Variants in ADGRA1 observed in about 807,000 individuals in gnomAD.
The protein encoded by ADGRA1 is G-protein coupled receptor 123.
A neutral mutation model predicts 21.3 loss-of-function variants in ADGRA1; 12 were observed. That is an observed-to-expected ratio of 0.56 (90% CI 0.36 to 0.91). The LOEUF (loss-of-function observed/expected upper bound fraction) is 0.91. Among genes scored for constraint, ADGRA1 ranks in the 40% least tolerant of loss-of-function variants. The probability of loss-of-function intolerance (pLI) is 0.01; values close to 1 mark genes in which losing one functional copy is unlikely to be tolerated. For missense variants in ADGRA1, 790 were observed against 805.6 expected, an observed-to-expected ratio of 0.98 and a Z score of 0.23; for synonymous variants, 385 against 368.8, an observed-to-expected ratio of 1.04 and a Z score of -0.50.
At chr10:133,097,721 G>C (rs546919403) in intron 3 of ADGRA1, among the ~76,000 whole-genome samples, 1 of 152,186 alleles carries the variant, frequency 6.6e-6, no homozygotes, top group Non-Finnish European at 1.5e-5. Context: ...CGGGGGCCTC[G>C]ATGGTTTATC....
intron 5 of ADGRA1, 86 bp downstream of exon 5, chr10:133,102,928 C>G (rs545497938): frequency 7.1e-7 from 1 of 1,405,000 alleles, no homozygotes; most frequent in African/African-American, 1.4e-5. Context: ...ACCTTCTCAC[C>G]AGGCCACCAG....
At chr10:133,092,341 A>G (rs993129142) in intron 2 of ADGRA1, among the ~76,000 whole-genome samples, 20 of 152,226 alleles carry the variant, frequency 1.3e-4, no homozygotes, top group African/African-American at 4.3e-4. Context: ...CCCGAAAATT[A>G]AGAACTTTAA....
intron 4 of ADGRA1, 109 bp downstream of exon 4, chr10:133,098,872 G>T (rs895735551): frequency 7.0e-7 from 1 of 1,422,846 alleles, no homozygotes; most frequent in South Asian, 1.3e-5. Context: ...CCCGGGAAGA[G>T]GGTCGGACCC....
intron 6 of ADGRA1, 89 bp from the exon 7 acceptor site, chr10:133,128,240 G>T (rs1031613478): frequency 1.0e-6 from 1 of 980,210 alleles, no homozygotes; most frequent in East Asian, 2.9e-5. Flanking sequence ...TCGCTAGGCC[G>T]GGTGGGTGCA....
chr10:133,111,912 T>C lies in ADGRA1; in HGVS notation c.401+9070T>C, dbSNP rs61862111. Reference sequence around the variant, plus strand: ...CCACAGACACCTCCCTCCTAATGCCTCCAGACCACCTGCCCGCCGTGAGCA... The same window carrying C: ...CCACAGACACCTCCCTCCTAATGCCCCCAGACCACCTGCCCGCCGTGAGCA... On this transcript the variant is annotated intron_variant, in intron 5 of 6. Transcript: ENST00000392607. Among the ~76,000 whole-genome samples, 24 of 10,480 alleles carry C rather than the reference T, an allele frequency of 2.3e-3. 1 individual carries two copies. Among genetic ancestry groups the C allele is most frequent in the Admixed American group, 3.4e-3 (3 of 870 alleles). 6.9% of individuals were successfully genotyped at this position (10,480 alleles called of 152,430 possible). A position where few individuals can be genotyped will look rare whatever the true frequency, so the allele number is the denominator to read the frequency against.
rs146513793 is a variant in ADGRA1, at chr10:133,128,377, C to T, written c.549C>T (p.Ala183=). Residue 183 remains alanine, a synonymous_variant, in exon 7 of 7, where the codon GCC becomes GCT. Coordinates refer to ENST00000392607, the MANE Select transcript of ADGRA1 (RefSeq NM_001083909.3). The part of the protein sequence containing the change: ...EPSLGAFYGP[A]AIITLVTCVY... ...GCCTGGGCGCCTTCTACGGCCCAGC[C>T]GCCATCATCACCCTGGTCACCTGTG... 194 of 1,586,480 alleles carry T rather than the reference C, an allele frequency of 1.2e-4. 1 individual carries two copies. In the African/African-American group the frequency reaches 2.0e-3, roughly 16 times the overall value.
At chr10:133,124,917 C>T (rs930617389) in intron 5 of ADGRA1, among the ~76,000 whole-genome samples, 24 of 152,218 alleles carry the variant, frequency 1.6e-4, no homozygotes, top group Admixed American at 3.3e-4. Flanking sequence ...GCGGCGGCCT[C>T]CCGCGCCCTC....
intron 5 of ADGRA1, among the ~76,000 whole-genome samples, chr10:133,104,724 C>T (rs1015968945): frequency 1.3e-5 from 2 of 152,130 alleles, no homozygotes; most frequent in Non-Finnish European, 2.9e-5. Context: ...CCTCGTCGCT[C>T]CGCCTCCCCA....
chr10:133,091,709 C>T (rs961779209), intron 2 of ADGRA1, among the ~76,000 whole-genome samples: 2 of 152,226 alleles, frequency 1.3e-5, no homozygotes, highest in African/African-American at 2.4e-5. Context: ...AGTGCGAGGA[C>T]AAGCTTGGGC....
intron 4 of ADGRA1, among the ~76,000 whole-genome samples, chr10:133,101,377 T>C (rs1338236288): frequency 1.3e-5 from 2 of 152,168 alleles, no homozygotes; most frequent in Non-Finnish European, 2.9e-5. Context: ...AGTGACACAT[T>C]CAACAGAGAC....
At chr10:133,124,911 C>T (rs940594865) in intron 5 of ADGRA1, among the ~76,000 whole-genome samples, 12 of 152,336 alleles carry the variant, frequency 7.9e-5, no homozygotes, top group Non-Finnish European at 1.5e-4. Flanking sequence ...AGAAAAGCGG[C>T]GGCCTCCCGC....
intron 4 of ADGRA1, among the ~76,000 whole-genome samples, chr10:133,100,592 A>G (rs181971241): frequency 3.7e-4 from 56 of 152,306 alleles, no homozygotes; most frequent in Non-Finnish European, 6.3e-4. Flanking sequence ...GAGGGTTGCA[A>G]TCTTGGAGGA....
rs749355527 is a variant in ADGRA1 at position 133,098,665 on chromosome 10, C to T, written c.157C>T (p.Arg53Trp). ...CGCCATCCGCATCAGCCGCAAGGGC[C>T]GGCACACGCTCCTGAATTTCTGCTT... ...QSAIRISRKG[R>W]HTLLNFCFHA... Residue 53 changes from arginine to tryptophan, a missense_variant, in exon 4 of 7, where the codon CGG (arginine) becomes TGG (tryptophan). Coordinates refer to ENST00000392607, the MANE Select transcript of ADGRA1 (RefSeq NM_001083909.3). The T allele has an allele frequency of 2.7e-5, 43 of 1,610,660 alleles. No individual in the cohort carries two copies. Among genetic ancestry groups the T allele is most frequent in the Non-Finnish European group, 3.4e-5 (40 of 1,179,910 alleles).
chr10:133,127,865 A>AC (rs1852409632), intron 6 of ADGRA1, among the ~76,000 whole-genome samples: 1 of 104,652 alleles, frequency 9.6e-6, no homozygotes, highest in African/African-American at 3.9e-5. Context: ...CCGCCCACCC[A>AC]GCTCCACCTC....
chr10:133,122,594 G>T (rs1456984363), intron 5 of ADGRA1, among the ~76,000 whole-genome samples: 1 of 152,084 alleles, frequency 6.6e-6, no homozygotes, highest in African/African-American at 2.4e-5. Context: ...AATCATTTTT[G>T]AGTGTGCAGT....
chr10:133,118,894 ACT>A (rs1267735204), intron 5 of ADGRA1, among the ~76,000 whole-genome samples: 7 of 149,188 alleles, frequency 4.7e-5, no homozygotes, highest in East Asian at 2.2e-4. Flanking sequence ...ATACACTTAC[ACT>A]CACACACGTA....
In ADGRA1 at chr10:133,129,685, CCCCTTCCTTGTGATCACACCCCTG is replaced by C. The variant is rs796296177; in HGVS notation, c.*178_*201del. 94,454 of 402,598 alleles carry C rather than the reference CCCCTTCCTTGTGATCACACCCCTG, an allele frequency of 0.23. 12,197 individuals are homozygous for C. Among genetic ancestry groups the C allele is most frequent in the East Asian group, 0.51 (16,215 of 31,546 alleles). 24.9% of individuals were successfully genotyped at this position (402,598 alleles called of 1,614,324 possible). ...CCCCTTCCTTGTGATCACACCCCTG[CCCCTTCCTTGTGATCACACCCCTG>C]CCCCTTCCTTGTGAAAGACCTCAGC... On this transcript the variant is annotated 3_prime_UTR_variant, in exon 7 of 7. Coordinates refer to ENST00000392607, the MANE Select transcript of ADGRA1 (RefSeq NM_001083909.3).
chr10:133,128,813 C>G lies in ADGRA1; in HGVS notation c.985C>G (p.Pro329Ala). Residue 329 changes from proline to alanine, a missense_variant, in exon 7 of 7, where the codon CCC (proline) becomes GCC (alanine). By Grantham distance (27) the Pro-to-Ala change is conservative. Coordinates refer to ENST00000392607, the MANE Select transcript of ADGRA1 (RefSeq NM_001083909.3). ...CTGCCCGCCCCGCAAGGACGCCCAC[C>G]CCGCACTTGACGCCAACGGGGCCGC... ...ACCPPRKDAH[P>A]ALDANGAALG... is the part of the protein sequence containing the mutation. 6.2e-7 allele frequency: 1 copy of G among 1,606,356 alleles called. No homozygotes were observed. The highest frequency in any genetic ancestry group is 8.5e-7 in the Non-Finnish European group (1 of 1,177,326).
chr10:133,097,545 G>C (rs2135870126), intron 3 of ADGRA1, among the ~76,000 whole-genome samples: 1 of 152,314 alleles, frequency 6.6e-6, no homozygotes, highest in African/African-American at 2.4e-5. Flanking sequence ...CGGGGGTTCG[G>C]CTATGTCTGA....
Sources: gnomAD v4.1 joint callset for allele counts (sites outside exome capture counted in the v4.1 genomes callset) on GRCh38, gnomAD v4.1.1 for gene constraint, MANE v1.5 for transcripts, NCBI Gene and HGNC (gene_info 2026-07-23, HGNC 2026-07-21) for gene names.